The following SLC35F5 variants were observed in gnomAD, a reference collection of about 807,000 sequenced individuals.
The protein encoded by SLC35F5 is HCV NS5A-transactivated protein 3.
Under a neutral mutation model 68.6 loss-of-function variants are expected in SLC35F5, and 54 were observed. The observed-to-expected ratio is 0.79, with a 90% CI of 0.63 to 0.99. The LOEUF is 0.99. SLC35F5 is among the 50% of genes least tolerant of loss of function. SLC35F5 has a pLI of 0.00. For missense variants in SLC35F5, 567 were observed against 626.9 expected, an observed-to-expected ratio of 0.90 and a Z score of 1.02; for synonymous variants, 211 against 205.2, an observed-to-expected ratio of 1.03 and a Z score of -0.24.
intron 1 of SLC35F5, chr2:113,756,101 C>T: frequency 6.9e-7 from 1 of 1,447,462 alleles, no homozygotes; most frequent in East Asian, 2.5e-5. Flanking sequence ...AGAAATCATC[C>T]TTCTGTTTTG....
intron 11 of SLC35F5, among the ~76,000 whole-genome samples, chr2:113,728,554 G>A (rs555206243): frequency 1.7e-4 from 26 of 152,186 alleles, no homozygotes; most frequent in Middle Eastern, 3.2e-3. Context: ...GCATGCAACT[G>A]TATTTCCTTC....
chr2:113,744,745 T>G (rs1471607174), intron 5 of SLC35F5, among the ~76,000 whole-genome samples: 2 of 152,116 alleles, frequency 1.3e-5, no homozygotes, highest in Non-Finnish European at 2.9e-5. Flanking sequence ...AGAGCGAGAC[T>G]CCATCTCAAA....
chr2:113,738,851 T>C (rs1688185601), intron 7 of SLC35F5, among the ~76,000 whole-genome samples: 1 of 152,152 alleles, frequency 6.6e-6, no homozygotes, highest in East Asian at 1.9e-4. Context: ...TTTAGAAGAT[T>C]TTAGTACCAA....
chr2:113,725,198 A>G (rs1687610582), intron 12 of SLC35F5, among the ~76,000 whole-genome samples, 180 bp downstream of exon 12: 1 of 152,198 alleles, frequency 6.6e-6, no homozygotes, highest in Non-Finnish European at 1.5e-5. Flanking sequence ...ACTACTCTAG[A>G]ATGGGCACAC....
At position 113,755,446 on chromosome 2, in the gene SLC35F5, G is replaced by A; in HGVS notation, c.131+8C>T. 6.2e-7 allele frequency: 1 copy of A among 1,613,720 alleles called. No homozygotes were observed. Among genetic ancestry groups the A allele is most frequent in the Admixed American group, 1.7e-5 (1 of 60,004 alleles). On this transcript the variant is annotated splice_region_variant and intron_variant, in intron 2 of 15. Transcript: ENST00000245680. ...GAAAGTTACATAGAGGATAAACGTG[G>A]AATCTACCTTGTCTTAAGAGCCCTT...
intron 2 of SLC35F5, 32 bp downstream of exon 2, chr2:113,755,421 GA>G: frequency 6.2e-7 from 1 of 1,610,468 alleles, no homozygotes; most frequent in African/African-American, 1.3e-5. Flanking sequence ...TGTTCAGTGT[GA>G]AAGTTACATA....
In SLC35F5 at chr2:113,708,444, C is replaced by T. The variant is rs761285248; in HGVS notation, c.*6774G>A. On this transcript the variant is annotated 3_prime_UTR_variant, in exon 16 of 16. Coordinates refer to ENST00000245680, the MANE Select transcript of SLC35F5 (RefSeq NM_025181.5). ...GGATAGCTGGGCGCAGTGGCTCACA[C>T]CCGTAATCCCAGCACTTTGGGAGGC... Among the ~76,000 whole-genome samples, 2 of 152,160 alleles carry T rather than the reference C, an allele frequency of 1.3e-5. No homozygotes were observed. Among genetic ancestry groups the T allele is most frequent in the Non-Finnish European group, 2.9e-5 (2 of 68,032 alleles).
chr2:113,711,492 A>C lies in SLC35F5; in HGVS notation c.*3726T>G, dbSNP rs1459540891. Among the ~76,000 whole-genome samples, 2 of 150,448 alleles carry C rather than the reference A, an allele frequency of 1.3e-5. No individual in the cohort carries two copies. Among genetic ancestry groups the C allele is most frequent in the Non-Finnish European group, 3.0e-5 (2 of 67,370 alleles). ...AATACTGTATTATTAGTTATTGTAC[A>C]GGCAAATGAGGCTGTTACTATAAAA... On this transcript the variant is annotated 3_prime_UTR_variant, in exon 16 of 16. Transcript: ENST00000245680.
chr2:113,755,577 C>T, intron 1 of SLC35F5, 33 bp from the exon 2 acceptor site: 1 of 1,561,988 alleles, frequency 6.4e-7, no homozygotes, highest in Middle Eastern at 1.7e-4. Flanking sequence ...GCTATGAAAA[C>T]GTGAATAACT....
chr2:113,721,080 T>A (rs1687412237), intron 13 of SLC35F5, among the ~76,000 whole-genome samples: 1 of 152,112 alleles, frequency 6.6e-6, no homozygotes, highest in Non-Finnish European at 1.5e-5. Context: ...TAGATTTAAA[T>A]AACCAATTTG....
chr2:113,753,162 GTTTTTCTTTTTTTT>G (rs1409169400), intron 3 of SLC35F5, among the ~76,000 whole-genome samples: 1 of 50,550 alleles, frequency 2.0e-5, no homozygotes, highest in Non-Finnish European at 4.0e-5. Flanking sequence ...TCCAAAGTTT[GTTTTTCTTTTTTTT>G]TTTTTTTTTT....
chr2:113,715,955 A>G (rs1687161896), intron 15 of SLC35F5, among the ~76,000 whole-genome samples: 1 of 152,078 alleles, frequency 6.6e-6, no homozygotes, highest in African/African-American at 2.4e-5. Flanking sequence ...AAAAAAATAT[A>G]TTTTTTAACA....
In SLC35F5 at chr2:113,725,408, C is replaced by A; in HGVS notation, c.1220G>T (p.Gly407Val). ...CCACAGGAACTCTGAGAGTACTGTTCCAATAAGGCCATTAATGATAATGCA... is the reference window on the plus strand; with the variant it reads ...CCACAGGAACTCTGAGAGTACTGTTACAATAAGGCCATTAATGATAATGCA... ...LMCIIINGLI[G>V]TVLSEFLWLW... is the part of the protein sequence containing the mutation. Residue 407 changes from glycine to valine, a missense_variant, in exon 12 of 16, where the codon GGA (glycine) becomes GTA (valine). Transcript: ENST00000245680. The A allele has an allele frequency of 6.2e-7, 1 of 1,608,820 alleles. No homozygotes were observed. Among genetic ancestry groups the A allele is most frequent in the South Asian group, 1.1e-5 (1 of 89,618 alleles).
intron 4 of SLC35F5, among the ~76,000 whole-genome samples, chr2:113,747,124 T>TA (rs1033000008): frequency 6.6e-6 from 1 of 151,572 alleles, no homozygotes; most frequent in African/African-American, 2.4e-5. Context: ...CCATCTCTAC[T>TA]AAAAAATGCA....
At chr2:113,721,235 T>C (rs1292306570) in intron 13 of SLC35F5, 3 of 151,842 alleles carry the variant, frequency 2.0e-5, no homozygotes, top group Non-Finnish European at 4.4e-5. Flanking sequence ...TTTTTCCAGA[T>C]GGAATCTCCC....
downstream of SLC35F5, chr2:113,703,825 CTCCAGGAGAAAAA>C (rs1412634304): frequency 6.6e-6 from 1 of 152,334 alleles, no homozygotes; most frequent in African/African-American, 2.4e-5. Context: ...GCAAAGTCCA[CTCCAGGAGAAAAA>C]TGCTTTGAAG....
intron 15 of SLC35F5, chr2:113,717,481 T>A: frequency 4.4e-6 from 1 of 225,910 alleles, no homozygotes; most frequent in Non-Finnish European, 8.6e-6. Context: ...ACTTTATATT[T>A]ACCAAGTATT....
At position 113,707,990 on chromosome 2, in the gene SLC35F5, T is replaced by G. The variant is rs539444753; in HGVS notation, c.*7228A>C. On this transcript the variant is annotated 3_prime_UTR_variant, in exon 16 of 16. Transcript: ENST00000245680. Reference sequence around the variant, plus strand: ...TAGTAAAGGGAATTCGCATTTTCAATGTCCTGTCTGCATTCCTCCTAGCCT... The same window carrying G: ...TAGTAAAGGGAATTCGCATTTTCAAGGTCCTGTCTGCATTCCTCCTAGCCT... 6.6e-6 allele frequency among the ~76,000 whole-genome samples: 1 copy of G among 150,888 alleles called. No individual in the cohort carries two copies. The highest frequency in any genetic ancestry group is 1.9e-4 in the East Asian group (1 of 5,184).
intron 1 of SLC35F5, 115 bp downstream of exon 1, chr2:113,756,255 A>G: frequency 6.5e-7 from 1 of 1,538,940 alleles, no homozygotes. Context: ...AGAGACCTTC[A>G]CGGTTTCGGT....
Sources: allele counts gnomAD v4.1 joint callset (sites outside exome capture counted in the v4.1 genomes callset), GRCh38; gene constraint gnomAD v4.1.1; transcripts MANE v1.5; gene names NCBI Gene and HGNC (gene_info 2026-07-23, HGNC 2026-07-21).